The following NCKAP5 variants were observed in gnomAD, a reference collection of about 807,000 sequenced individuals.
NCKAP5 encodes the protein NCK associated protein 5.
NCKAP5 carries 92 observed loss-of-function variants against 167.0 expected under a neutral mutation model. The observed-to-expected ratio is 0.55, with a 90% CI of 0.47 to 0.66. The LOEUF is 0.66. NCKAP5 is among the 30% of genes least tolerant of loss of function. The pLI, the probability that NCKAP5 is intolerant of heterozygous loss-of-function variation, is 0.00. For missense variants in NCKAP5, 2,378 were observed against 2,315.0 expected (o/e 1.03, Z -0.56); for synonymous variants, 891 against 877.4 (o/e 1.02, Z -0.27).
chr2:133,286,703 A>G (rs758552908), intron 4 of NCKAP5, among the ~76,000 whole-genome samples: 4 of 152,210 alleles, frequency 2.6e-5, no homozygotes, highest in Non-Finnish European at 5.9e-5. Context: ...AAAACTCACA[A>G]ACTAGAATAT....
At chr2:133,579,480 T>G in the NCKAP5 span, among the ~76,000 whole-genome samples, 1 of 152,142 alleles carries the variant, frequency 6.6e-6, no homozygotes, top group Non-Finnish European at 1.5e-5. Flanking sequence ...TGGCAGAGAC[T>G]TTGATTTTCT....
intron 19 of NCKAP5, among the ~76,000 whole-genome samples, chr2:132,674,780 G>C (rs1057399850): frequency 1.3e-5 from 2 of 152,028 alleles, no homozygotes; most frequent in African/African-American, 4.8e-5. Flanking sequence ...TAATTCTATG[G>C]GAATATTTGA....
chr2:133,401,801 T>G (rs2151023735), intron 3 of NCKAP5, among the ~76,000 whole-genome samples: 1 of 152,326 alleles, frequency 6.6e-6, no homozygotes, highest in South Asian at 2.1e-4. Flanking sequence ...CTCCTTTCCT[T>G]TTTGACTTTT....
chr2:133,435,525 C>T (rs952460651), intron 3 of NCKAP5, among the ~76,000 whole-genome samples: 1 of 152,118 alleles, frequency 6.6e-6, no homozygotes, highest in African/African-American at 2.4e-5. Flanking sequence ...GCTCACTGTA[C>T]TCTAGGTATG....
the NCKAP5 span, among the ~76,000 whole-genome samples, chr2:133,631,623 G>C: frequency 3.3e-3 from 509 of 152,288 alleles, 2 homozygotes; most frequent in African/African-American, 0.012. Flanking sequence ...CATTGGAGGA[G>C]ATCTGTAGAT....
At chr2:133,425,230 C>G (rs1009830274) in intron 3 of NCKAP5, among the ~76,000 whole-genome samples, 7 of 152,174 alleles carry the variant, frequency 4.6e-5, no homozygotes, top group Admixed American at 4.6e-4. Flanking sequence ...CATTATCGCA[C>G]AGGTGAAGAA....
chr2:133,438,797 T>G (rs952588941), intron 3 of NCKAP5, among the ~76,000 whole-genome samples: 2 of 152,208 alleles, frequency 1.3e-5, no homozygotes, highest in Non-Finnish European at 2.9e-5. Flanking sequence ...CAAACAGAAA[T>G]GATTAGATTA....
intron 7 of NCKAP5, among the ~76,000 whole-genome samples, chr2:132,990,237 T>A (rs548713498): frequency 7.9e-5 from 12 of 152,304 alleles, no homozygotes; most frequent in African/African-American, 2.9e-4. Context: ...GACACATTCC[T>A]TTGTGCCCTC....
intron 3 of NCKAP5, among the ~76,000 whole-genome samples, chr2:133,315,020 G>A (rs1559376598): frequency 6.6e-6 from 1 of 152,162 alleles, no homozygotes; most frequent in African/African-American, 2.4e-5. Context: ...GATGGGGTGA[G>A]GGGAGGAGGG....
chr2:133,242,857 T>C (rs901764813), intron 4 of NCKAP5, among the ~76,000 whole-genome samples: 1 of 152,208 alleles, frequency 6.6e-6, no homozygotes, highest in African/African-American at 2.4e-5. Flanking sequence ...ATAGTAGGCC[T>C]ACATGATAGA....
chr2:133,220,928 G>A (rs1344377584), intron 4 of NCKAP5, among the ~76,000 whole-genome samples: 1 of 152,176 alleles, frequency 6.6e-6, no homozygotes, highest in Admixed American at 6.5e-5. Flanking sequence ...CAGGCAGATG[G>A]TGCCCCTGTG....
At chr2:133,059,145 A>T (rs1388801749) in intron 6 of NCKAP5, among the ~76,000 whole-genome samples, 1 of 151,864 alleles carries the variant, frequency 6.6e-6, no homozygotes, top group Non-Finnish European at 1.5e-5. Flanking sequence ...TAAAAATACA[A>T]AAAAATTAGC....
Position 132,795,839 on chromosome 2 carries a change from C to CA in NCKAP5, c.909+788dup, listed in dbSNP as rs1246383506. Among the ~76,000 whole-genome samples the CA allele has an allele frequency of 2.3e-3, 250 of 110,658 alleles. 2 individuals carry two copies. The highest frequency in any genetic ancestry group is 8.0e-3 in the African/African-American group (233 of 29,264). 72.6% of individuals were successfully genotyped at this position (110,658 alleles called of 152,430 possible). A position where few individuals can be genotyped will look rare whatever the true frequency, so the allele number is the denominator to read the frequency against. On this transcript the variant is annotated intron_variant, in intron 12 of 19. Coordinates refer to ENST00000409261, the MANE Select transcript of NCKAP5 (RefSeq NM_207363.3). ...GTATCAGAAAAAAAAAAAAAAAAAACAAAAAAAACAAAAGAGAATGAAGCC... is the reference window on the plus strand; with the variant it reads ...GTATCAGAAAAAAAAAAAAAAAAAACAAAAAAAAACAAAAGAGAATGAAGCC...
chr2:133,168,689 T>C (rs996435000), intron 5 of NCKAP5, among the ~76,000 whole-genome samples: 1 of 152,134 alleles, frequency 6.6e-6, no homozygotes, highest in Non-Finnish European at 1.5e-5. Flanking sequence ...CCTCCTCCTT[T>C]CATCCTGAGA....
intron 8 of NCKAP5, among the ~76,000 whole-genome samples, chr2:132,881,801 C>T (rs10928436): frequency 0.18 from 26,688 of 152,034 alleles, 2,637 homozygotes; most frequent in East Asian, 0.32. Context: ...TACTGATTCT[C>T]CTCTTGCAAT....
intron 5 of NCKAP5, among the ~76,000 whole-genome samples, chr2:133,201,611 T>C (rs977651835): frequency 6.6e-6 from 1 of 152,212 alleles, no homozygotes; most frequent in East Asian, 1.9e-4. Flanking sequence ...AAAGATATTC[T>C]ATACCTGGAT....
At chr2:133,592,625 A>G in the NCKAP5 span, among the ~76,000 whole-genome samples, 5 of 152,220 alleles carry the variant, frequency 3.3e-5, no homozygotes, top group Non-Finnish European at 7.4e-5. Context: ...AATTTCAGCC[A>G]TTCAGCTGAT....
intron 16 of NCKAP5, among the ~76,000 whole-genome samples, chr2:132,732,502 C>A (rs1016317829): frequency 1.3e-5 from 2 of 152,150 alleles, no homozygotes; most frequent in Non-Finnish European, 2.9e-5. Context: ...CAGTGAGGTG[C>A]ATGAAGTGGA....
intron 5 of NCKAP5, among the ~76,000 whole-genome samples, chr2:133,136,591 T>C (rs17735890): frequency 0.2 from 29,828 of 152,180 alleles, 3,215 homozygotes; most frequent in Non-Finnish European, 0.24. Context: ...AAAGATTTCC[T>C]GAAATGTGTC....
Sources: allele counts gnomAD v4.1 joint callset (sites outside exome capture counted in the v4.1 genomes callset), GRCh38; gene constraint gnomAD v4.1.1; transcripts MANE v1.5; gene names NCBI Gene and HGNC (gene_info 2026-07-23, HGNC 2026-07-21).